SHANK2: variants seen among roughly 807,000 people sequenced by gnomAD.
The protein encoded by SHANK2 is SH3 and multiple ankyrin repeat domains 2, also known as SH3 and multiple ankyrin repeat domains protein 2.
In SHANK2, 43 loss-of-function variants were observed where a neutral mutation model predicts 133.7. The ratio of observed to expected loss-of-function variants is 0.32; its 90% CI spans 0.25 to 0.41. SHANK2 has a LOEUF of 0.41. Among genes scored for constraint, SHANK2 ranks in the 10% least tolerant of loss-of-function variants. SHANK2 has a pLI of 1.00. For missense variants in SHANK2, 1,994 were observed against 2,235.8 expected (o/e 0.89, Z 2.18); for synonymous variants, 1,017 against 952.8 (o/e 1.07, Z -1.24).
At chr11:70,636,505 G>C (rs1370612825) in intron 17 of SHANK2, among the ~76,000 whole-genome samples, 1 of 151,658 alleles carries the variant, frequency 6.6e-6, no homozygotes, top group African/African-American at 2.4e-5. Flanking sequence ...ATATGTACGA[G>C]GATGCATGAG....
intron 17 of SHANK2, among the ~76,000 whole-genome samples, chr11:70,549,684 G>A (rs2059740281): frequency 6.6e-6 from 1 of 152,158 alleles, no homozygotes; most frequent in East Asian, 1.9e-4. Flanking sequence ...TCTGTCCCTG[G>A]GATGGGACGA....
At chr11:71,104,026 T>A (rs142022796) in intron 6 of SHANK2, among the ~76,000 whole-genome samples, 1 of 152,132 alleles carries the variant, frequency 6.6e-6, no homozygotes, top group African/African-American at 2.4e-5. Flanking sequence ...CAGAAGCAGA[T>A]GCCACCAGCT....
chr11:70,904,343 G>C (rs1950068520), intron 10 of SHANK2, among the ~76,000 whole-genome samples: 1 of 152,078 alleles, frequency 6.6e-6, no homozygotes, highest in East Asian at 1.9e-4. Flanking sequence ...CAGGTGGCGT[G>C]GACTGCAATC....
chr11:70,746,340 C>G (rs1946637057), intron 14 of SHANK2, among the ~76,000 whole-genome samples: 1 of 148,526 alleles, frequency 6.7e-6, no homozygotes, highest in Non-Finnish European at 1.5e-5. Context: ...ATCTCCTCTC[C>G]CACCACACTC....
intron 15 of SHANK2, among the ~76,000 whole-genome samples, chr11:70,672,353 C>T (rs1013626409): frequency 5.3e-5 from 8 of 152,184 alleles, no homozygotes; most frequent in Non-Finnish European, 7.4e-5. Flanking sequence ...CGTGAGCCAC[C>T]GCACCCAGCC....
intron 17 of SHANK2, among the ~76,000 whole-genome samples, chr11:70,621,549 C>T (rs1367149735): frequency 2.0e-5 from 3 of 152,154 alleles, no homozygotes; most frequent in Non-Finnish European, 4.4e-5. Context: ...TTGGGAAATA[C>T]GGGTGGACTG....
rs1253046120 is a variant in SHANK2, at chr11:70,732,863, C to T, written c.1778-34100G>A. Among the ~76,000 whole-genome samples the T allele has an allele frequency of 3.9e-5, 6 of 152,240 alleles. No homozygotes were observed. In the East Asian group the frequency reaches 7.7e-4, roughly 20 times the overall value. On this transcript the variant is annotated intron_variant, in intron 14 of 25. Coordinates refer to ENST00000601538, the MANE Select transcript of SHANK2 (RefSeq NM_012309.5). ...ATTTCCCTGCAGGGGACAGGCCTGC[C>T]GGCTCTGTGAGGGCAGGGACTCTCT...
intron 14 of SHANK2, among the ~76,000 whole-genome samples, chr11:70,734,091 G>T (rs1207881619): frequency 1.3e-5 from 2 of 152,116 alleles, no homozygotes; most frequent in African/African-American, 2.4e-5. Context: ...CAGCAGGGAG[G>T]GGGCAGGAGG....
intron 11 of SHANK2, among the ~76,000 whole-genome samples, chr11:70,887,147 G>A (rs1949759901): frequency 6.6e-6 from 1 of 152,236 alleles, no homozygotes; most frequent in African/African-American, 2.4e-5. Context: ...CGGGCTCCCC[G>A]GCACCCGGAC....
At chr11:71,151,324 A>C (rs1369762402) in intron 2 of SHANK2, among the ~76,000 whole-genome samples, 1 of 152,060 alleles carries the variant, frequency 6.6e-6, no homozygotes, top group Non-Finnish European at 1.5e-5. Flanking sequence ...GTTGACTCCC[A>C]GCGCTCTTCC....
intron 11 of SHANK2, among the ~76,000 whole-genome samples, chr11:70,854,575 G>A (rs1257978122): frequency 1.3e-5 from 2 of 152,244 alleles, no homozygotes; most frequent in Admixed American, 6.5e-5. Flanking sequence ...GGTGAAACAC[G>A]TGCTTTCCAT....
Position 71,075,196 on chromosome 11 carries a change from C to A in SHANK2, c.992G>T (p.Gly331Val). Residue 331 changes from glycine to valine, a missense_variant, in exon 9 of 26, where the codon GGG becomes GTG. Physicochemically the swap from Gly to Val is moderately radical, Grantham distance 109. This residue lies in a region of SHANK2 where 653 missense variants were observed against 563.4 expected (regional missense o/e 1.16). Coordinates refer to ENST00000601538, the MANE Select transcript of SHANK2 (RefSeq NM_012309.5). ...GADMSAQNAS[G>V]NTALHICALY... is the part of the protein sequence containing the mutation. ...GGCGCAGATGTGCAAGGCCGTGTTC[C>A]CCGAGGCATTCTGGGCACTCATGTC... The A allele has an allele frequency of 3.9e-6, 1 of 255,442 alleles. No homozygotes were observed. Among genetic ancestry groups the A allele is most frequent in the East Asian group, 8.8e-5 (1 of 11,300 alleles). 15.8% of individuals were successfully genotyped at this position (255,442 alleles called of 1,614,324 possible). A position where few individuals can be genotyped will look rare whatever the true frequency, so the allele number is the denominator to read the frequency against.
chr11:70,670,997 G>A (rs909654570), intron 15 of SHANK2, among the ~76,000 whole-genome samples: 10 of 152,232 alleles, frequency 6.6e-5, no homozygotes, highest in African/African-American at 1.2e-4. Context: ...TTATGAAAAC[G>A]CCCTGCCCGG....
intron 25 of SHANK2, among the ~76,000 whole-genome samples, chr11:70,484,147 A>G (rs1268184294): frequency 6.6e-6 from 1 of 152,210 alleles, no homozygotes; most frequent in African/African-American, 2.4e-5. Context: ...AGAACCAAGA[A>G]CCATAAGCCA....
At chr11:70,615,014 C>T (rs1363391092) in intron 17 of SHANK2, among the ~76,000 whole-genome samples, 1 of 152,190 alleles carries the variant, frequency 6.6e-6, no homozygotes, top group Non-Finnish European at 1.5e-5. Context: ...AGAAGAGAAG[C>T]CTGCTTAGAT....
intron 15 of SHANK2, among the ~76,000 whole-genome samples, chr11:70,663,780 T>C (rs1944627720): frequency 6.6e-6 from 1 of 152,158 alleles, no homozygotes; most frequent in Non-Finnish European, 1.5e-5. Context: ...GAAGCCCACT[T>C]ACCCTGCTCA....
intron 10 of SHANK2, among the ~76,000 whole-genome samples, chr11:70,940,266 G>C (rs1215574679): frequency 4.7e-5 from 1 of 21,462 alleles, no homozygotes; most frequent in African/African-American, 1.5e-4. Flanking sequence ...TCTCTCTTTT[G>C]AGACAGAGTC....
At chr11:70,869,415 C>A (rs1555069733) in intron 11 of SHANK2, among the ~76,000 whole-genome samples, 1 of 152,178 alleles carries the variant, frequency 6.6e-6, no homozygotes, top group Non-Finnish European at 1.5e-5. Flanking sequence ...TTATTAAACC[C>A]ACTGGGACCA....
At chr11:70,916,699 C>G (rs1950275796) in intron 10 of SHANK2, among the ~76,000 whole-genome samples, 1 of 152,156 alleles carries the variant, frequency 6.6e-6, no homozygotes, top group South Asian at 2.1e-4. Context: ...CATCTTCCTG[C>G]TGTCTGAAGA....
Sources: gnomAD v4.1 joint callset for allele counts (sites outside exome capture counted in the v4.1 genomes callset) on GRCh38, gnomAD v4.1.1 for gene constraint, gnomAD v4.1.1 regional missense constraint, MANE v1.5 for transcripts, NCBI Gene and HGNC (gene_info 2026-07-23, HGNC 2026-07-21) for gene names.